The following ITPR2 variants were observed in gnomAD, a reference collection of about 807,000 sequenced individuals.
The protein encoded by ITPR2 is inositol 1,4,5-trisphosphate-gated calcium channel ITPR2.
Under a neutral mutation model 317.1 loss-of-function variants are expected in ITPR2, and 207 were observed. The observed-to-expected ratio is 0.65, with a 90% CI of 0.58 to 0.73. The LOEUF (loss-of-function observed/expected upper bound fraction) is 0.73, where lower values mean the gene tolerates loss of function less well. Among genes scored for constraint, ITPR2 ranks in the 30% least tolerant of loss-of-function variants. The pLI is 0.00. For missense variants in ITPR2, 2,613 were observed against 3,284.0 expected, an observed-to-expected ratio of 0.80 and a Z score of 4.99; for synonymous variants, 1,156 against 1,149.1, an observed-to-expected ratio of 1.01 and a Z score of -0.12.
intron 26 of ITPR2, among the ~76,000 whole-genome samples, chr12:26,614,763 G>GA (rs200903960): frequency 6.6e-6 from 1 of 151,972 alleles, no homozygotes; most frequent in Non-Finnish European, 1.5e-5. Context: ...AACCTACAGA[G>GA]AAAAAAAATC....
chr12:26,595,775 C>T (rs1945827109), intron 31 of ITPR2, among the ~76,000 whole-genome samples, 185 bp from the exon 32 acceptor site: 1 of 152,148 alleles, frequency 6.6e-6, no homozygotes, highest in African/African-American at 2.4e-5. Context: ...AGGGTGAAAA[C>T]ACGGGGCCTA....
At chr12:26,510,774 T>C (rs528458426) in intron 37 of ITPR2, among the ~76,000 whole-genome samples, 9 of 152,348 alleles carry the variant, frequency 5.9e-5, no homozygotes, top group Non-Finnish European at 1.3e-4. Context: ...TGTCATCTCA[T>C]TTGGTGCTCA....
At chr12:26,655,278 A>G (rs1383473189) in intron 20 of ITPR2, among the ~76,000 whole-genome samples, 1 of 152,208 alleles carries the variant, frequency 6.6e-6, no homozygotes, top group Non-Finnish European at 1.5e-5. Context: ...TATAAATAAA[A>G]TGTTTTGTAC....
chr12:26,718,501 A>C (rs1948779041), intron 5 of ITPR2, among the ~76,000 whole-genome samples: 1 of 146,306 alleles, frequency 6.8e-6, no homozygotes, highest in African/African-American at 2.7e-5. Context: ...CCACCCATAA[A>C]ACTGTATATA....
At chr12:26,496,891 C>T (rs1378216316) in intron 37 of ITPR2, among the ~76,000 whole-genome samples, 1 of 149,960 alleles carries the variant, frequency 6.7e-6, no homozygotes, top group African/African-American at 2.5e-5. Flanking sequence ...TTGCAGTGAG[C>T]CGAGATTGTG....
At chr12:26,774,694 A>G (rs115018932) in intron 2 of ITPR2, among the ~76,000 whole-genome samples, 103 of 152,348 alleles carry the variant, frequency 6.8e-4, no homozygotes, top group African/African-American at 2.1e-3. Flanking sequence ...GAATGTGAAC[A>G]TGTGTCCTCA....
chr12:26,353,340 A>G (rs1329100044), intron 55 of ITPR2, among the ~76,000 whole-genome samples: 1 of 152,236 alleles, frequency 6.6e-6, no homozygotes, highest in Non-Finnish European at 1.5e-5. Context: ...AAAATCCAAA[A>G]AGGTCAACAA....
intron 37 of ITPR2, among the ~76,000 whole-genome samples, chr12:26,544,155 A>C (rs1182000803): frequency 1.3e-5 from 2 of 152,180 alleles, no homozygotes; most frequent in Admixed American, 6.5e-5. Flanking sequence ...ATGATTTCAC[A>C]TATAGGCACA....
At chr12:26,804,043 A>C (rs1030682901) in intron 1 of ITPR2, among the ~76,000 whole-genome samples, 6 of 152,156 alleles carry the variant, frequency 3.9e-5, no homozygotes, top group Non-Finnish European at 4.4e-5. Context: ...AATAATTTTA[A>C]GTTACCTTGT....
intron 26 of ITPR2, among the ~76,000 whole-genome samples, chr12:26,611,260 C>T (rs1036611178): frequency 6.6e-6 from 1 of 152,222 alleles, no homozygotes; most frequent in Non-Finnish European, 1.5e-5. Flanking sequence ...TCCCAGCCAC[C>T]TCGTTGTCCA....
At chr12:26,417,851 A>T (rs1940769408) in intron 50 of ITPR2, among the ~76,000 whole-genome samples, 1 of 152,198 alleles carries the variant, frequency 6.6e-6, no homozygotes, top group Admixed American at 6.5e-5. Context: ...AGCTTTCTGT[A>T]TGTCAGCTAT....
chr12:26,460,034 C>T (rs908297281), intron 45 of ITPR2, among the ~76,000 whole-genome samples: 2 of 152,344 alleles, frequency 1.3e-5, no homozygotes, highest in Admixed American at 1.3e-4. Flanking sequence ...ACTTCATTTT[C>T]TCTCAACTTA....
chr12:26,786,748 G>T (rs192445251), intron 2 of ITPR2, among the ~76,000 whole-genome samples: 3 of 152,116 alleles, frequency 2.0e-5, no homozygotes, highest in African/African-American at 7.2e-5. Flanking sequence ...TTGCCTACCC[G>T]CTCTAAAATG....
At chr12:26,721,123 T>C (rs1323950412) in intron 5 of ITPR2, among the ~76,000 whole-genome samples, 1 of 152,124 alleles carries the variant, frequency 6.6e-6, no homozygotes. Context: ...GAGAGTTGAT[T>C]GTAATGAACT....
intron 13 of ITPR2, among the ~76,000 whole-genome samples, chr12:26,670,041 C>G (rs1416706405): frequency 6.6e-6 from 1 of 152,206 alleles, no homozygotes; most frequent in Admixed American, 6.5e-5. Context: ...AACAAAGCAG[C>G]CTGAAGCTCG....
intron 13 of ITPR2, among the ~76,000 whole-genome samples, chr12:26,681,142 A>C (rs1948020402): frequency 6.6e-6 from 1 of 152,176 alleles, no homozygotes; most frequent in African/African-American, 2.4e-5. Flanking sequence ...ATGGACTTTA[A>C]ACCATACATG....
chr12:26,797,282 A>G (rs1368898795), intron 1 of ITPR2, among the ~76,000 whole-genome samples: 3 of 152,244 alleles, frequency 2.0e-5, no homozygotes, highest in Non-Finnish European at 4.4e-5. Flanking sequence ...TAATGTATAA[A>G]ATATGTGGCT....
At chr12:26,430,638 T>A (rs556349848) in intron 48 of ITPR2, among the ~76,000 whole-genome samples, 50 of 152,356 alleles carry the variant, frequency 3.3e-4, no homozygotes, top group Non-Finnish European at 5.4e-4. Context: ...TCCTTAATAC[T>A]TTATATATGT....
intron 13 of ITPR2, among the ~76,000 whole-genome samples, chr12:26,674,141 A>G (rs1024763364): frequency 6.9e-6 from 1 of 145,774 alleles, no homozygotes; most frequent in Non-Finnish European, 1.5e-5. Context: ...TATAGATTCA[A>G]TGCCATCCCC....
Sources: allele counts gnomAD v4.1 joint callset (sites outside exome capture counted in the v4.1 genomes callset), GRCh38; gene constraint gnomAD v4.1.1; transcripts MANE v1.5; gene names NCBI Gene and HGNC (gene_info 2026-07-23, HGNC 2026-07-21).